The following FHIP1A variants were observed in gnomAD, a reference collection of about 807,000 sequenced individuals.
The protein encoded by FHIP1A is FHF complex subunit HOOK interacting protein 1A.
FHIP1A carries 61 observed loss-of-function variants against 88.6 expected under a neutral mutation model. That is an observed-to-expected ratio of 0.69 (90% CI 0.56 to 0.85). The LOEUF is 0.85. FHIP1A is among the 40% of genes least tolerant of loss of function. FHIP1A has a pLI of 0.00. For missense variants in FHIP1A, 1,154 were observed against 1,273.5 expected (o/e 0.91, Z 1.43); for synonymous variants, 478 against 496.0 (o/e 0.96, Z 0.48).
chr4:151,484,146 G>A (rs1729996468), intron 3 of FHIP1A, among the ~76,000 whole-genome samples: 1 of 152,104 alleles, frequency 6.6e-6, no homozygotes, highest in Non-Finnish European at 1.5e-5. Context: ...GTTTTAGGGA[G>A]CTTTAATTTC....
chr4:151,654,110 G>A (rs1737140825), intron 11 of FHIP1A, among the ~76,000 whole-genome samples: 1 of 150,554 alleles, frequency 6.6e-6, no homozygotes, highest in Non-Finnish European at 1.5e-5. Flanking sequence ...TAAGAATAAA[G>A]TAGGAATTTG....
At chr4:151,410,114 G>A (rs1732554339) in intron 1 of FHIP1A, among the ~76,000 whole-genome samples, 1 of 152,184 alleles carries the variant, frequency 6.6e-6, no homozygotes, top group Non-Finnish European at 1.5e-5. Context: ...CTTATTTCAG[G>A]CCTGGTCAGA....
intron 3 of FHIP1A, among the ~76,000 whole-genome samples, chr4:151,533,440 A>G (rs918717117): frequency 6.6e-6 from 1 of 151,884 alleles, no homozygotes; most frequent in Admixed American, 6.6e-5. Context: ...ACAAACAAAC[A>G]AAAAAAGGAT....
Position 151,584,517 on chromosome 4 carries a change from T to A in FHIP1A, c.733-2124T>A, listed in dbSNP as rs1475993244. ...AGGCATTGTGGATTATTTTGTCATA[T>A]CTCATCTGTCTAAATCTCCCTTTCC... On this transcript the variant is annotated intron_variant, in intron 5 of 13. Transcript: ENST00000435205. Among the ~76,000 whole-genome samples the A allele has an allele frequency of 2.0e-5, 3 of 152,146 alleles. 1 individual carries two copies. Among genetic ancestry groups the A allele is most frequent in the Non-Finnish European group, 4.4e-5 (3 of 68,020 alleles).
chr4:151,549,544 A>AC (rs140745636), intron 3 of FHIP1A, among the ~76,000 whole-genome samples: 5,074 of 151,532 alleles, frequency 0.033, 288 homozygotes, highest in African/African-American at 0.12. Flanking sequence ...AAGGGGAGGA[A>AC]CCCTCAGCTC....
intron 7 of FHIP1A, among the ~76,000 whole-genome samples, chr4:151,629,130 A>T (rs1022658002): frequency 5.9e-5 from 9 of 152,210 alleles, no homozygotes; most frequent in African/African-American, 2.2e-4. Context: ...ATTCAGTTAT[A>T]AAAAATTTGA....
At chr4:151,586,525 C>T in intron 5 of FHIP1A, 116 bp from the exon 6 acceptor site, 4 of 777,924 alleles carry the variant, frequency 5.1e-6, no homozygotes, top group East Asian at 5.5e-5. Context: ...CCTTTAATAC[C>T]TTGCTACTTA....
chr4:151,508,742 T>A (rs1165288919), intron 3 of FHIP1A, among the ~76,000 whole-genome samples: 5 of 152,168 alleles, frequency 3.3e-5, no homozygotes, highest in Admixed American at 2.0e-4. Flanking sequence ...AACCAGGTAA[T>A]GCTGGTTTCT....
intron 3 of FHIP1A, among the ~76,000 whole-genome samples, chr4:151,491,323 T>C (rs556299614): frequency 1.3e-5 from 2 of 152,248 alleles, no homozygotes; most frequent in East Asian, 1.9e-4. Context: ...CCAGAAGGGA[T>C]TGGGGTCCTA....
chr4:151,520,825 T>G (rs1234883955), intron 3 of FHIP1A, among the ~76,000 whole-genome samples: 1 of 152,174 alleles, frequency 6.6e-6, no homozygotes, highest in East Asian at 1.9e-4. Flanking sequence ...GTAACTAAAA[T>G]TATTAGAGTA....
chr4:151,589,059 G>A (rs760380407), intron 7 of FHIP1A, 133 bp downstream of exon 7: 20 of 678,048 alleles, frequency 2.9e-5, no homozygotes, highest in Non-Finnish European at 4.6e-5. Flanking sequence ...ATATTTCTTA[G>A]CAATATCAAA....
chr4:151,456,504 T>C (rs1728972993), intron 2 of FHIP1A, among the ~76,000 whole-genome samples: 1 of 152,136 alleles, frequency 6.6e-6, no homozygotes. Context: ...TTTCTGCACA[T>C]TTACTTCTGA....
At position 151,617,663 on chromosome 4, in the gene FHIP1A, A is replaced by G. The variant is rs1171164575; in HGVS notation, c.979-12039A>G. Among the ~76,000 whole-genome samples the G allele has an allele frequency of 4.6e-5, 7 of 151,896 alleles. No homozygotes were observed. In the East Asian group the frequency reaches 9.7e-4, roughly 21 times the overall value. ...CACTTTGGGAGGCTGAGGTGGGGGG[A>G]TCACTTGAGGTCAGGAGTTCAAGAC... is the stretch of plus-strand genomic sequence containing the variant. On this transcript the variant is annotated intron_variant, in intron 7 of 13. Coordinates refer to ENST00000435205, the MANE Select transcript of FHIP1A (RefSeq NM_001109977.3).
chr4:151,489,502 G>A (rs1438048234), intron 3 of FHIP1A, among the ~76,000 whole-genome samples: 2 of 152,174 alleles, frequency 1.3e-5, no homozygotes, highest in Admixed American at 1.3e-4. Flanking sequence ...AGAAGCTACA[G>A]CCAAAGGTGC....
intron 2 of FHIP1A, among the ~76,000 whole-genome samples, chr4:151,479,252 A>G (rs968106647): frequency 2.6e-5 from 4 of 152,102 alleles, no homozygotes; most frequent in African/African-American, 9.7e-5. Context: ...TTCATCTTTT[A>G]GCACAACTTA....
rs531966706 is a variant in FHIP1A at position 151,495,330 on chromosome 4, C to A, written c.-123+12682C>A. Among the ~76,000 whole-genome samples, 69 of 152,078 alleles carry A rather than the reference C, an allele frequency of 4.5e-4. 2 individuals carry two copies. Among genetic ancestry groups the A allele is most frequent in the Admixed American group, 4.1e-3 (62 of 15,284 alleles). ...CCAGCCTGGCCAACATGGCGAAACTCCATCTGTACTAAAAATAAAAAATTA... is the reference window on the plus strand; with the variant it reads ...CCAGCCTGGCCAACATGGCGAAACTACATCTGTACTAAAAATAAAAAATTA... On this transcript the variant is annotated intron_variant, in intron 3 of 13. Transcript: ENST00000435205.
intron 4 of FHIP1A, among the ~76,000 whole-genome samples, chr4:151,567,127 T>G (rs1733417978): frequency 6.6e-6 from 1 of 152,218 alleles, no homozygotes; most frequent in African/African-American, 2.4e-5. Flanking sequence ...AATTAAGGGT[T>G]GAATGTTCAG....
At chr4:151,618,385 G>C (rs1421055353) in intron 7 of FHIP1A, among the ~76,000 whole-genome samples, 1 of 152,130 alleles carries the variant, frequency 6.6e-6, no homozygotes, top group Non-Finnish European at 1.5e-5. Flanking sequence ...GAAAACAAAG[G>C]CTCATGATTT....
At chr4:151,605,251 TG>T (rs1400915162) in intron 7 of FHIP1A, among the ~76,000 whole-genome samples, 4 of 152,156 alleles carry the variant, frequency 2.6e-5, no homozygotes, top group African/African-American at 7.2e-5. Context: ...TTTTGTTTAG[TG>T]GGTTGTTTTG....
Sources: allele counts gnomAD v4.1 joint callset (sites outside exome capture counted in the v4.1 genomes callset), GRCh38; gene constraint gnomAD v4.1.1; transcripts MANE v1.5; gene names NCBI Gene and HGNC (gene_info 2026-07-23, HGNC 2026-07-21).